KCNG3: variants seen among roughly 807,000 people sequenced by gnomAD.
The protein encoded by KCNG3 is potassium voltage-gated channel modifier subfamily G member 3.
Under a neutral mutation model 29.0 loss-of-function variants are expected in KCNG3, and 15 were observed. The ratio of observed to expected loss-of-function variants is 0.52; its 90% CI spans 0.35 to 0.80. KCNG3 has a LOEUF of 0.80. Ranked by LOEUF, KCNG3 falls within the 30% of genes least tolerant of loss-of-function variation. The pLI is 0.01. For synonymous variants in KCNG3, 322 were observed against 248.9 expected (o/e 1.29, Z -2.76); for missense variants, 512 against 605.7 (o/e 0.85, Z 1.62).
At chr2:42,429,176 A>G in the KCNG3 span, among the ~76,000 whole-genome samples, 1 of 152,164 alleles carries the variant, frequency 6.6e-6, no homozygotes, top group South Asian at 2.1e-4. Flanking sequence ...AGCACCCTCA[A>G]GTGCCAATCT....
At chr2:42,453,546 T>A (rs1476779295) in intron 1 of KCNG3, among the ~76,000 whole-genome samples, 1 of 152,248 alleles carries the variant, frequency 6.6e-6, no homozygotes, top group Admixed American at 6.5e-5. Context: ...CATTTTTAAA[T>A]CAAATTATTA....
At chr2:42,452,303 T>C (rs1456599049) in intron 1 of KCNG3, among the ~76,000 whole-genome samples, 6 of 147,928 alleles carry the variant, frequency 4.1e-5, no homozygotes, top group African/African-American at 1.5e-4. Flanking sequence ...TAGAGCATAA[T>C]GGAGCAGTCA....
At chr2:42,436,341 C>T in the KCNG3 span, among the ~76,000 whole-genome samples, 1 of 152,180 alleles carries the variant, frequency 6.6e-6, no homozygotes, top group African/African-American at 2.4e-5. Flanking sequence ...TTAAAAACCA[C>T]AGAACTGTAC....
In KCNG3 at chr2:42,454,093, C is replaced by CA. The variant is rs11322972; in HGVS notation, c.666-9515dup. On this transcript the variant is annotated intron_variant, in intron 1 of 1. Coordinates refer to ENST00000306078, the MANE Select transcript of KCNG3 (RefSeq NM_133329.6). ...ACCACAATGAGGATGGCTACTATAC[C>CA]AAAAAAAAAAAAAAAAATCACACCA... is the stretch of plus-strand genomic sequence containing the variant. Among the ~76,000 whole-genome samples the CA allele has an allele frequency of 1.3e-3, 175 of 134,930 alleles. 1 individual carries two copies. The highest frequency in any genetic ancestry group is 1.9e-3 in the South Asian group (8 of 4,212). The allele number at this position is 134,930 out of a possible 152,430, so 88.5% of individuals were successfully genotyped here.
chr2:42,476,789 C>A (rs1288652296), intron 1 of KCNG3, among the ~76,000 whole-genome samples: 1 of 151,168 alleles, frequency 6.6e-6, no homozygotes, highest in African/African-American at 2.4e-5. Flanking sequence ...CATGCCCGGA[C>A]AAAATAAAAC....
At chr2:42,492,525 AG>A (rs1457848297) in intron 1 of KCNG3, among the ~76,000 whole-genome samples, 1 of 152,266 alleles carries the variant, frequency 6.6e-6, no homozygotes, top group Non-Finnish European at 1.5e-5. Flanking sequence ...TGTAATTAGC[AG>A]GTTGCTCTCT....
At chr2:42,389,757 T>C in the KCNG3 span, among the ~76,000 whole-genome samples, 1 of 152,204 alleles carries the variant, frequency 6.6e-6, no homozygotes, top group Non-Finnish European at 1.5e-5. Flanking sequence ...TCACCAGTTT[T>C]TTCCACTAAG....
At chr2:42,452,793 GTGTTT>G (rs1286217948) in intron 1 of KCNG3, among the ~76,000 whole-genome samples, 3 of 150,928 alleles carry the variant, frequency 2.0e-5, no homozygotes, top group African/African-American at 7.3e-5. Context: ...GTGTGTGTGT[GTGTTT>G]TGAGATGAAG....
chr2:42,437,936 C>T, downstream of KCNG3, among the ~76,000 whole-genome samples: 1 of 66,734 alleles, frequency 1.5e-5, no homozygotes, highest in South Asian at 6.6e-4. Flanking sequence ...GAAACTCTGT[C>T]TCCAAAAAAA....
chr2:42,418,063 G>T, the KCNG3 span, among the ~76,000 whole-genome samples: 1 of 151,910 alleles, frequency 6.6e-6, no homozygotes, highest in African/African-American at 2.4e-5. Context: ...GTTTTTAAGT[G>T]AACAATTAAG....
At chr2:42,490,547 G>A (rs986971613) in intron 1 of KCNG3, among the ~76,000 whole-genome samples, 1 of 152,146 alleles carries the variant, frequency 6.6e-6, no homozygotes, top group Non-Finnish European at 1.5e-5. Flanking sequence ...CTGAACAACG[G>A]AACTCTCAGA....
chr2:42,410,666 T>C, the KCNG3 span, among the ~76,000 whole-genome samples: 3 of 152,208 alleles, frequency 2.0e-5, no homozygotes, highest in East Asian at 1.9e-4. Context: ...TCTTGTTTTA[T>C]TGATTATTGA....
chr2:42,466,919 A>G (rs59356829), intron 1 of KCNG3, among the ~76,000 whole-genome samples: 15,983 of 151,740 alleles, frequency 0.11, 1,058 homozygotes, highest in South Asian at 0.21. Flanking sequence ...CGTCTGGCTA[A>G]TTTTTGTATT....
intron 1 of KCNG3, among the ~76,000 whole-genome samples, chr2:42,480,455 A>G (rs1362891903): frequency 6.6e-6 from 1 of 152,144 alleles, no homozygotes; most frequent in Non-Finnish European, 1.5e-5. Context: ...CAGATAGTAA[A>G]TATTTTAGGC....
At chr2:42,424,852 ATCTCAG>A in the KCNG3 span, 1 of 152,200 alleles carries the variant, frequency 6.6e-6, no homozygotes, top group East Asian at 1.9e-4. Flanking sequence ...ACTGCTTCAC[ATCTCAG>A]TCAGCAGAGA....
the KCNG3 span, among the ~76,000 whole-genome samples, chr2:42,418,750 AG>A: frequency 6.6e-6 from 1 of 152,212 alleles, no homozygotes; most frequent in African/African-American, 2.4e-5. Flanking sequence ...TAAAATTATT[AG>A]GAAAAACCTA....
chr2:42,389,790 C>T, the KCNG3 span, among the ~76,000 whole-genome samples: 1 of 152,312 alleles, frequency 6.6e-6, no homozygotes, highest in Non-Finnish European at 1.5e-5. Context: ...TTCCAGTATC[C>T]AGTCCAGGAC....
At chr2:42,420,120 A>G in the KCNG3 span, among the ~76,000 whole-genome samples, 4 of 152,310 alleles carry the variant, frequency 2.6e-5, no homozygotes, top group Admixed American at 6.5e-5. Context: ...ACTACTCAGG[A>G]GGCTGAGGCA....
chr2:42,434,009 G>A, the KCNG3 span, among the ~76,000 whole-genome samples: 17,149 of 152,106 alleles, frequency 0.11, 1,089 homozygotes, highest in South Asian at 0.26. Context: ...TAAGTGAATC[G>A]AAAGGCACCT....
Sources: gnomAD v4.1 joint callset for allele counts (sites outside exome capture counted in the v4.1 genomes callset) on GRCh38, gnomAD v4.1.1 for gene constraint, MANE v1.5 for transcripts, NCBI Gene and HGNC (gene_info 2026-07-23, HGNC 2026-07-21) for gene names.